Variants in RAP1GAP2 observed in about 807,000 individuals in gnomAD.
The protein encoded by RAP1GAP2 is RAP1 GTPase activating protein 2, also known as rap1 GTPase-activating protein 2.
In RAP1GAP2, 27 loss-of-function variants were observed where a neutral mutation model predicts 95.0. The observed-to-expected ratio is 0.28, with a 90% CI of 0.21 to 0.39. RAP1GAP2 has a LOEUF of 0.39. Among genes scored for constraint, RAP1GAP2 ranks in the 10% least tolerant of loss-of-function variants. The pLI is 1.00. For synonymous variants in RAP1GAP2, 373 were observed against 380.9 expected (o/e 0.98, Z 0.24); for missense variants, 771 against 970.0 (o/e 0.79, Z 2.72).
chr17:2,803,160 T>TTATA (rs2151483901), intron 2 of RAP1GAP2, among the ~76,000 whole-genome samples: 1 of 152,086 alleles, frequency 6.6e-6, no homozygotes, highest in Non-Finnish European at 1.5e-5. Flanking sequence ...AGTGCACCAG[T>TTATA]TATAGGGTAG....
At chr17:2,957,683 T>G in intron 3 of RAP1GAP2, 76 bp from the exon 4 acceptor site, 1 of 1,445,924 alleles carries the variant, frequency 6.9e-7, no homozygotes, top group Non-Finnish European at 9.5e-7. Flanking sequence ...TTCCTGATAG[T>G]TGGTGAGGAA....
intron 3 of RAP1GAP2, among the ~76,000 whole-genome samples, chr17:2,910,960 A>G (rs2042356004): frequency 6.6e-6 from 1 of 152,164 alleles, no homozygotes; most frequent in South Asian, 2.1e-4. Context: ...TGGCCTCCCA[A>G]AGTGTTCAGA....
intron 11 of RAP1GAP2, among the ~76,000 whole-genome samples, chr17:2,986,128 G>A (rs942509794): frequency 1.3e-5 from 2 of 152,146 alleles, no homozygotes; most frequent in African/African-American, 4.8e-5. Context: ...GATACTATTT[G>A]TATTTTTTTG....
rs372383250 is a variant in RAP1GAP2, at chr17:2,977,217, C to T, written c.597-3070C>T. On this transcript the variant is annotated intron_variant, in intron 8 of 24. Coordinates refer to ENST00000254695, the MANE Select transcript of RAP1GAP2 (RefSeq NM_015085.5). ...CAGTTAGAAACAAAGATGAAGTCTT[C>T]AGAGAATACCAAAAACAACTTTGTA... 4.2e-4 allele frequency among the ~76,000 whole-genome samples: 64 copies of T among 152,082 alleles called. 1 individual carries two copies. In the South Asian group the frequency reaches 0.013, roughly 30 times the overall value.
At chr17:2,890,492 TTC>T (rs143285219) in intron 2 of RAP1GAP2, among the ~76,000 whole-genome samples, 3,193 of 152,066 alleles carry the variant, frequency 0.021, 116 homozygotes, top group African/African-American at 0.072. Flanking sequence ...TAGGGAAACT[TTC>T]AGTGCTCACA....
rs749406980 is a variant in RAP1GAP2, at chr17:3,027,000, G to T, written c.2037G>T (p.Pro679=). 3.8e-6 allele frequency: 6 copies of T among 1,561,890 alleles called. No homozygotes were observed. The highest frequency in any genetic ancestry group is 5.2e-6 in the Non-Finnish European group (6 of 1,153,226). ...AGCAGGAGGTGTTTGTCTACAGCCC[G>T]TCCCCGAGCAGCGAGAGCCCCAGCC... The part of the protein sequence containing the change: ...PFKQEVFVYS[P]SPSSESPSLG... The change falls in exon 22 of 25, where the codon CCG becomes CCT. Residue 679 remains proline, a synonymous_variant. Coordinates refer to ENST00000254695, the MANE Select transcript of RAP1GAP2 (RefSeq NM_015085.5).
chr17:2,892,179 T>C (rs1439248239), intron 2 of RAP1GAP2, among the ~76,000 whole-genome samples: 1 of 152,168 alleles, frequency 6.6e-6, no homozygotes, highest in African/African-American at 2.4e-5. Flanking sequence ...CTGGTGTCAC[T>C]GAGAATTTTT....
chr17:2,800,617 C>T (rs1207402858), intron 2 of RAP1GAP2, 67 bp downstream of exon 2: 1 of 1,523,920 alleles, frequency 6.6e-7, no homozygotes, highest in Non-Finnish European at 9.0e-7. Flanking sequence ...GGCCCTTGCT[C>T]CCCCCAGGTT....
intron 2 of RAP1GAP2, among the ~76,000 whole-genome samples, chr17:2,887,101 C>T (rs1252350265): frequency 2.6e-5 from 4 of 151,334 alleles, no homozygotes; most frequent in African/African-American, 4.9e-5. Flanking sequence ...GACAGGATCT[C>T]GCTCTGTTGC....
At chr17:2,941,730 G>A (rs576296112) in intron 3 of RAP1GAP2, among the ~76,000 whole-genome samples, 84 of 150,528 alleles carry the variant, frequency 5.6e-4, no homozygotes, top group African/African-American at 1.7e-3. Flanking sequence ...GTGCAGTGGT[G>A]TGATCTCGGC....
intron 1 of RAP1GAP2, among the ~76,000 whole-genome samples, chr17:2,768,176 A>G (rs2068312975): frequency 6.6e-6 from 1 of 152,196 alleles, no homozygotes; most frequent in South Asian, 2.1e-4. Flanking sequence ...TAAATTCCCC[A>G]AAGAGGGGAT....
At chr17:2,807,363 G>A (rs1229311597) in intron 2 of RAP1GAP2, among the ~76,000 whole-genome samples, 1 of 152,202 alleles carries the variant, frequency 6.6e-6, no homozygotes, top group Non-Finnish European at 1.5e-5. Flanking sequence ...ATCTTAGTCT[G>A]CTCTTCTCCT....
In RAP1GAP2 at chr17:3,008,890, C is replaced by T. The variant is rs539251205; in HGVS notation, c.1494+745C>T. Among the ~76,000 whole-genome samples the T allele has an allele frequency of 3.3e-5, 5 of 152,274 alleles. No homozygotes were observed. Among genetic ancestry groups the T allele is most frequent in the Middle Eastern group, 3.4e-3 (1 of 294 alleles). On this transcript the variant is annotated intron_variant, in intron 17 of 24. Transcript: ENST00000254695. This position sits in a 1 kb window ranked among gnomAD's most constrained non-coding sequence, Gnocchi z 4.2. ...GGGTCTTGTTATATTCACGAACACACGTGGGGACAGGATGAGAGACGCCAC... is the reference window on the plus strand; with the variant it reads ...GGGTCTTGTTATATTCACGAACACATGTGGGGACAGGATGAGAGACGCCAC...
At chr17:2,778,696 C>T (rs2068565698) in intron 1 of RAP1GAP2, among the ~76,000 whole-genome samples, 1 of 152,208 alleles carries the variant, frequency 6.6e-6, no homozygotes. Flanking sequence ...CCAGCTCCAT[C>T]ACCTACTGCT....
intron 2 of RAP1GAP2, among the ~76,000 whole-genome samples, chr17:2,862,709 G>T (rs939084281): frequency 6.6e-6 from 1 of 152,050 alleles, no homozygotes; most frequent in Non-Finnish European, 1.5e-5. Context: ...TAGAAAACCC[G>T]AATATGGGCT....
intron 2 of RAP1GAP2, among the ~76,000 whole-genome samples, chr17:2,770,973 G>A (rs1049041345): frequency 3.9e-5 from 6 of 152,246 alleles, no homozygotes; most frequent in Middle Eastern, 3.4e-3. Context: ...CTTGAACCCC[G>A]GAGGCAGAGG....
chr17:2,880,040 T>C (rs9895273), intron 2 of RAP1GAP2, among the ~76,000 whole-genome samples: 2,285 of 152,158 alleles, frequency 0.015, 58 homozygotes, highest in African/African-American at 0.051. Flanking sequence ...AGGACAGGCA[T>C]CAGACTGATC....
chr17:2,761,300 T>C (rs1201490565), intron 1 of RAP1GAP2, among the ~76,000 whole-genome samples: 1 of 148,196 alleles, frequency 6.7e-6, no homozygotes, highest in African/African-American at 2.5e-5. Context: ...TTTTTTTTTT[T>C]TTTTTGAGAC....
At chr17:3,020,618 C>A in intron 19 of RAP1GAP2, 23 bp downstream of exon 19, 5 of 1,603,014 alleles carry the variant, frequency 3.1e-6, no homozygotes, top group Non-Finnish European at 4.3e-6. Context: ...AAACCCCTAC[C>A]CCAGCCTGAC....
Sources: gnomAD v4.1 joint callset for allele counts (sites outside exome capture counted in the v4.1 genomes callset) on GRCh38, gnomAD v4.1.1 for gene constraint, Gnocchi (gnomAD v3.1) non-coding constraint, MANE v1.5 for transcripts, NCBI Gene and HGNC (gene_info 2026-07-23, HGNC 2026-07-21) for gene names.